MAP3K7: variants seen among roughly 807,000 people sequenced by gnomAD.
MAP3K7 encodes the protein TGF-beta activated kinase 1.
A neutral mutation model predicts 84.8 loss-of-function variants in MAP3K7; 21 were observed. That is an observed-to-expected ratio of 0.25 (90% CI 0.18 to 0.36). MAP3K7 has a LOEUF of 0.36. MAP3K7 is among the 10% of genes least tolerant of loss of function. MAP3K7 has a pLI of 1.00. For synonymous variants in MAP3K7, 241 were observed against 247.7 expected (o/e 0.97, Z 0.25); for missense variants, 503 against 747.7 (o/e 0.67, Z 3.82).
rs1776064706 is a variant in MAP3K7 at position 90,548,152 on chromosome 6, TGTA to T, written c.972_974del (p.Thr325del). The T allele has an allele frequency of 6.2e-7, 1 of 1,611,828 alleles. No individual in the cohort carries two copies. The highest frequency in any genetic ancestry group is 8.5e-7 in the Non-Finnish European group (1 of 1,178,962). ...TAGTGTCACTTTTGTTACTCGTATT[TGTA>T]GAAGCAATGTCCATGAATGAGCCTA... is the stretch of plus-strand genomic sequence containing the variant. On this transcript the variant is annotated inframe_deletion, in exon 10 of 17. Coordinates refer to ENST00000369329, the MANE Select transcript of MAP3K7 (RefSeq NM_145331.3).
intron 8 of MAP3K7, chr6:90,551,741 C>T (rs1385217011): frequency 4.7e-6 from 1 of 214,684 alleles, no homozygotes; most frequent in East Asian, 9.4e-5. Flanking sequence ...CTATCTATTT[C>T]AGTTTCTCCC....
Position 90,547,267 on chromosome 6 carries a change from C to T in MAP3K7, c.1201G>A (p.Ala401Thr), listed in dbSNP as rs751058214. The T allele has an allele frequency of 9.3e-6, 15 of 1,613,132 alleles. No homozygotes were observed. Among genetic ancestry groups the T allele is most frequent in the African/African-American group, 4.0e-5 (3 of 74,756 alleles). ...TGTAGTTCCTTTTTACCTGTGGTTG[C>T]GGCGATCCTAGCTTCTATTTCAGAC... ...DMSEIEARIA[A>T]TTAYSKPKRG... is the part of the protein sequence containing the mutation. The change falls in exon 11 of 17, where the codon GCA becomes ACA. Residue 401 changes from alanine (A) to threonine (T), a missense_variant. Ala to Thr is a moderately conservative substitution (Grantham distance 58). Around this residue, in one of 5 missense-constraint regions of MAP3K7, gnomAD observed 286 missense variants for 313.6 expected, o/e 0.91. Transcript: ENST00000369329.
At chr6:90,550,394 T>C in intron 9 of MAP3K7, 74 bp downstream of exon 9, 1 of 978,364 alleles carries the variant, frequency 1.0e-6, no homozygotes, top group Non-Finnish European at 1.6e-6. Context: ...TATTCATTAC[T>C]TCTTGATTAT....
At chr6:90,574,397 C>T (rs746592381) in intron 1 of MAP3K7, among the ~76,000 whole-genome samples, 1 of 152,134 alleles carries the variant, frequency 6.6e-6, no homozygotes, top group African/African-American at 2.4e-5. Flanking sequence ...GTGTGAGCCA[C>T]TGCACCTGAC....
At chr6:90,583,404 T>C (rs1470537311) in intron 1 of MAP3K7, among the ~76,000 whole-genome samples, 1 of 152,204 alleles carries the variant, frequency 6.6e-6, no homozygotes, top group African/African-American at 2.4e-5. Flanking sequence ...TTCCCAGCTT[T>C]ACCATTTACT....
At chr6:90,537,107 T>C (rs1401718020) in intron 12 of MAP3K7, 1 of 152,062 alleles carries the variant, frequency 6.6e-6, no homozygotes, top group African/African-American at 2.4e-5. Flanking sequence ...ATTCTACACA[T>C]ATAAGTCCTC....
At chr6:90,546,540 G>A (rs1004404922) in intron 11 of MAP3K7, among the ~76,000 whole-genome samples, 71 of 152,012 alleles carry the variant, frequency 4.7e-4, no homozygotes, top group African/African-American at 1.7e-3. Context: ...TCCCTGGAAA[G>A]AATCAGCAAA....
intron 1 of MAP3K7, among the ~76,000 whole-genome samples, chr6:90,572,186 A>G (rs2127985227): frequency 6.6e-6 from 1 of 152,232 alleles, no homozygotes; most frequent in East Asian, 1.9e-4. Context: ...GCAGGAACAT[A>G]TAATAAATAT....
At chr6:90,544,748 G>A in intron 11 of MAP3K7, 116 bp from the exon 12 acceptor site, 1 of 835,224 alleles carries the variant, frequency 1.2e-6, no homozygotes, top group East Asian at 2.6e-5. Flanking sequence ...AACATTTCAT[G>A]CAGAATGGCA....
At chr6:90,542,284 C>T (rs1582188108) in intron 12 of MAP3K7, 1 of 983,826 alleles carries the variant, frequency 1.0e-6, no homozygotes, top group Admixed American at 6.2e-5. Flanking sequence ...TTTATGTCCA[C>T]TAGTGTCAAT....
Position 90,536,391 on chromosome 6 carries a change from C to G in MAP3K7, c.1302G>C (p.Gln434His), listed in dbSNP as rs1775679516. ...VPEIVISGNG[Q>H]PRRRSIQDLT... ...AGTCTTGGATGGATCTACGTCTTGGCTGTCCGTTGCCTTTAAAAAGAAGAA... is the reference window on the plus strand; with the variant it reads ...AGTCTTGGATGGATCTACGTCTTGGGTGTCCGTTGCCTTTAAAAAGAAGAA... The change falls in exon 13 of 17, where the codon CAG becomes CAC. Residue 434 changes from glutamine to histidine, a missense_variant. Transcript: ENST00000369329. 3.7e-6 allele frequency: 6 copies of G among 1,611,784 alleles called. No homozygotes were observed. In the East Asian group the frequency reaches 1.3e-4, roughly 36 times the overall value.
At chr6:90,531,941 G>A (rs963189848) in intron 13 of MAP3K7, among the ~76,000 whole-genome samples, 1 of 151,058 alleles carries the variant, frequency 6.6e-6, no homozygotes, top group Non-Finnish European at 1.5e-5. Flanking sequence ...GGCTGACAGC[G>A]GGGACTGTGT....
At chr6:90,574,539 T>G (rs1255189321) in intron 1 of MAP3K7, among the ~76,000 whole-genome samples, 2 of 152,236 alleles carry the variant, frequency 1.3e-5, no homozygotes, top group Non-Finnish European at 2.9e-5. Context: ...GATATTACTA[T>G]TAAATACGAA....
chr6:90,582,267 C>T (rs755980259), intron 1 of MAP3K7, among the ~76,000 whole-genome samples: 2 of 152,184 alleles, frequency 1.3e-5, no homozygotes, highest in African/African-American at 2.4e-5. Flanking sequence ...AGCCAAATCG[C>T]ATAACTCAGC....
intron 2 of MAP3K7, among the ~76,000 whole-genome samples, chr6:90,569,471 T>G (rs1488387018): frequency 7.1e-6 from 1 of 140,920 alleles, no homozygotes; most frequent in African/African-American, 2.5e-5. Flanking sequence ...ATTCTAGATC[T>G]CAAACTTCTT....
At chr6:90,530,097 T>C (rs1053101230) in intron 13 of MAP3K7, among the ~76,000 whole-genome samples, 56 of 152,322 alleles carry the variant, frequency 3.7e-4, no homozygotes, top group African/African-American at 1.3e-3. Flanking sequence ...TTAACTTTCT[T>C]TGACTGAAAG....
intron 7 of MAP3K7, among the ~76,000 whole-genome samples, chr6:90,552,698 A>G (rs1009928452): frequency 3.3e-5 from 5 of 152,194 alleles, no homozygotes; most frequent in Non-Finnish European, 5.9e-5. Context: ...ATGAAAAGCT[A>G]TTTTCCCAAG....
At chr6:90,576,677 C>T (rs1474221795) in intron 1 of MAP3K7, among the ~76,000 whole-genome samples, 1 of 152,036 alleles carries the variant, frequency 6.6e-6, no homozygotes, top group East Asian at 1.9e-4. Context: ...GAGTTGTGTG[C>T]TAAGAAGAAA....
At chr6:90,575,792 T>C (rs548898796) in intron 1 of MAP3K7, among the ~76,000 whole-genome samples, 12 of 152,256 alleles carry the variant, frequency 7.9e-5, no homozygotes, top group Non-Finnish European at 1.6e-4. Context: ...CTTCAAAGGA[T>C]GCAAGTGAGG....
Sources: allele counts gnomAD v4.1 joint callset (sites outside exome capture counted in the v4.1 genomes callset), GRCh38; gene constraint gnomAD v4.1.1; regional missense constraint gnomAD v4.1.1; transcripts MANE v1.5; gene names NCBI Gene and HGNC (gene_info 2026-07-23, HGNC 2026-07-21).